The following GRM5 variants were observed in gnomAD, a reference collection of about 807,000 sequenced individuals.
The protein encoded by GRM5 is metabotropic glutamate receptor 5.
GRM5 carries 19 observed loss-of-function variants against 83.1 expected under a neutral mutation model. That is an observed-to-expected ratio of 0.23 (90% CI 0.16 to 0.34). The LOEUF (loss-of-function observed/expected upper bound fraction) is 0.34. Ranked by LOEUF, GRM5 falls within the 10% of genes least tolerant of loss-of-function variation. The pLI is 1.00. For missense variants in GRM5, 1,160 were observed against 1,588.3 expected, an observed-to-expected ratio of 0.73 and a Z score of 4.58; for synonymous variants, 675 against 633.6, an observed-to-expected ratio of 1.07 and a Z score of -0.98.
chr11:88,664,701 C>A (rs558027786), intron 3 of GRM5, among the ~76,000 whole-genome samples: 1 of 152,060 alleles, frequency 6.6e-6, no homozygotes, highest in Non-Finnish European at 1.5e-5. Flanking sequence ...CCTGCCTCGG[C>A]CTCCCAAAGT....
intron 1 of GRM5, among the ~76,000 whole-genome samples, chr11:89,065,390 T>G (rs992072427): frequency 6.8e-6 from 1 of 146,154 alleles, no homozygotes; most frequent in Non-Finnish European, 1.5e-5. Context: ...CTTTATCTTT[T>G]CCTCCTCTGT....
At chr11:88,745,813 T>G (rs1248967984) in intron 3 of GRM5, among the ~76,000 whole-genome samples, 1 of 152,154 alleles carries the variant, frequency 6.6e-6, no homozygotes, top group Non-Finnish European at 1.5e-5. Context: ...CCAATCCACC[T>G]CAGCGTTTTT....
Position 88,534,239 on chromosome 11 carries a change from C to A in GRM5, c.2631-8835G>T, listed in dbSNP as rs572550382. ...AAGAAGAGGGCTGCTGTCCTCCAGA[C>A]GCCAGAATGTAGATCCACTGACGAC... On this transcript the variant is annotated intron_variant, in intron 8 of 9. Coordinates refer to ENST00000305447, the MANE Select transcript of GRM5 (RefSeq NM_001143831.3). Among the ~76,000 whole-genome samples, 9 of 152,300 alleles carry A rather than the reference C, an allele frequency of 5.9e-5. No individual in the cohort carries two copies. The South Asian group carries it at 1.2e-3, about 21-fold the overall frequency.
chr11:88,860,651 A>G (rs1216153194), intron 2 of GRM5, among the ~76,000 whole-genome samples: 1 of 152,172 alleles, frequency 6.6e-6, no homozygotes, highest in African/African-American at 2.4e-5. Context: ...TACCTTCTCC[A>G]GTTTAGATCT....
At chr11:88,599,059 T>C (rs1937902087) in intron 5 of GRM5, among the ~76,000 whole-genome samples, 1 of 152,180 alleles carries the variant, frequency 6.6e-6, no homozygotes, top group Admixed American at 6.5e-5. Flanking sequence ...AAATCCTGGG[T>C]ACTGCTCCAA....
chr11:89,059,650 G>T (rs1018499483), intron 1 of GRM5, among the ~76,000 whole-genome samples: 2 of 152,068 alleles, frequency 1.3e-5, no homozygotes, highest in Non-Finnish European at 1.5e-5. Context: ...CAATCCATAG[G>T]GCAGTTGAAC....
intron 3 of GRM5, among the ~76,000 whole-genome samples, chr11:88,768,120 A>G (rs551139745): frequency 6.6e-6 from 1 of 152,128 alleles, no homozygotes; most frequent in African/African-American, 2.4e-5. Flanking sequence ...AAAACAAGGT[A>G]TCAAAGAGAT....
chr11:88,543,642 T>TTG (rs1942323446), intron 8 of GRM5, among the ~76,000 whole-genome samples: 1 of 149,704 alleles, frequency 6.7e-6, no homozygotes, highest in Non-Finnish European at 1.5e-5. Context: ...CCTTTTTTTT[T>TTG]TTTTTTTGAG....
intron 2 of GRM5, among the ~76,000 whole-genome samples, chr11:88,875,703 A>G (rs1461590455): frequency 6.6e-6 from 1 of 152,084 alleles, no homozygotes. Context: ...GAGCTTCAGG[A>G]TAGATGTTGT....
intron 4 of GRM5, among the ~76,000 whole-genome samples, chr11:88,647,049 T>A (rs1287446208): frequency 6.6e-6 from 1 of 152,090 alleles, no homozygotes; most frequent in Non-Finnish European, 1.5e-5. Context: ...GTGATGACCG[T>A]CAATCCTTGA....
In GRM5 at chr11:88,590,859, A is replaced by G; in HGVS notation, c.1564-132T>C. The G allele has an allele frequency of 5.7e-6, 3 of 526,604 alleles. No individual in the cohort carries two copies. In the South Asian group the frequency reaches 1.1e-4, roughly 20 times the overall value. 32.6% of individuals were successfully genotyped at this position (526,604 alleles called of 1,614,324 possible). ...TTATTTTAAATGTTTTCAGATAAGC[A>G]GTACAATTTTTAATATTAATTTATA... On this transcript the variant is annotated intron_variant, in intron 6 of 9. Transcript: ENST00000305447.
chr11:88,843,383 C>T (rs1471288575), intron 3 of GRM5, among the ~76,000 whole-genome samples: 3 of 142,098 alleles, frequency 2.1e-5, no homozygotes, highest in South Asian at 4.4e-4. Context: ...TAAACGTATC[C>T]GTCACCTCAG....
rs1941657880 is a variant in GRM5 at position 89,047,113 on chromosome 11, T to C, written c.661+99A>G. Reference sequence around the variant, plus strand: ...CTGGTATAACTCGGACAATTCAAAATATCCAAAATAATTAGGAATAGTTTA... The same window carrying C: ...CTGGTATAACTCGGACAATTCAAAACATCCAAAATAATTAGGAATAGTTTA... On this transcript the variant is annotated intron_variant, in intron 2 of 9. Transcript: ENST00000305447. This position sits in a 1 kb window ranked among gnomAD's most constrained non-coding sequence, Gnocchi z 5.1. 2 of 930,050 alleles carry C rather than the reference T, an allele frequency of 2.2e-6. No homozygotes were observed. Among genetic ancestry groups the C allele is most frequent in the Non-Finnish European group, 3.3e-6 (2 of 601,928 alleles). 57.6% of individuals were successfully genotyped at this position (930,050 alleles called of 1,614,324 possible).
intron 7 of GRM5, among the ~76,000 whole-genome samples, chr11:88,570,509 T>G (rs1303015148): frequency 6.8e-6 from 1 of 146,330 alleles, no homozygotes; most frequent in Non-Finnish European, 1.5e-5. Flanking sequence ...ATTTACAAAT[T>G]TGCTCCTTGG....
chr11:89,024,726 T>C (rs568574864), intron 2 of GRM5, among the ~76,000 whole-genome samples: 3 of 152,330 alleles, frequency 2.0e-5, no homozygotes, highest in African/African-American at 4.8e-5. Flanking sequence ...CTTATGTGTA[T>C]TACTGGAAAA....
chr11:88,608,066 A>G (rs1938208178), intron 4 of GRM5, among the ~76,000 whole-genome samples: 1 of 152,126 alleles, frequency 6.6e-6, no homozygotes, highest in South Asian at 2.1e-4. Context: ...CTTATCTGCT[A>G]TGCAAGTGGG....
intron 4 of GRM5, among the ~76,000 whole-genome samples, chr11:88,615,010 C>G (rs551154149): frequency 6.6e-6 from 1 of 152,254 alleles, no homozygotes; most frequent in South Asian, 2.1e-4. Flanking sequence ...TGTGTCTGTT[C>G]TCTTAGATAA....
At chr11:88,984,638 G>T in intron 2 of GRM5, 1 of 441,880 alleles carries the variant, frequency 2.3e-6, no homozygotes, top group South Asian at 7.0e-5. Context: ...TATAAAATTA[G>T]AATAAATGAT....
At chr11:88,600,743 GGTT>G (rs986409288) in intron 5 of GRM5, among the ~76,000 whole-genome samples, 4 of 152,178 alleles carry the variant, frequency 2.6e-5, no homozygotes, top group East Asian at 3.8e-4. Context: ...GCTGAAACAG[GGTT>G]GTTGTTAGAG....
Sources: allele counts gnomAD v4.1 joint callset (sites outside exome capture counted in the v4.1 genomes callset), GRCh38; gene constraint gnomAD v4.1.1; non-coding constraint Gnocchi (gnomAD v3.1); transcripts MANE v1.5; gene names NCBI Gene and HGNC (gene_info 2026-07-23, HGNC 2026-07-21).